POU2AF3: variants seen among roughly 807,000 people sequenced by gnomAD.
POU2AF3 encodes the protein POU class 2 homeobox associating factor 3.
the POU2AF3 span, chr11:111,306,584 C>G: frequency 1.3e-6 from 2 of 1,551,792 alleles, no homozygotes; most frequent in Non-Finnish European, 1.7e-6. Flanking sequence ...ATTTCCCAGA[C>G]AGCTTCCAGG....
chr11:111,298,713 C>A, the POU2AF3 span: 2 of 1,106,034 alleles, frequency 1.8e-6, no homozygotes. Context: ...GAGTAAGGGC[C>A]GGGGATCCGG....
chr11:111,299,565 G>A, the POU2AF3 span: 3 of 1,210,564 alleles, frequency 2.5e-6, no homozygotes, highest in Non-Finnish European at 3.1e-6. Flanking sequence ...AGTCCGACCG[G>A]GCCCCGCCAG....
chr11:111,299,674 C>G, the POU2AF3 span: 4 of 1,231,052 alleles, frequency 3.2e-6, no homozygotes, highest in Non-Finnish European at 4.0e-6. Flanking sequence ...GCGGACTCGC[C>G]CCGGAGCCTC....
At chr11:111,300,772 T>G in the POU2AF3 span, among the ~76,000 whole-genome samples, 1 of 152,240 alleles carries the variant, frequency 6.6e-6, no homozygotes, top group East Asian at 1.9e-4. Context: ...TGTACCCAGC[T>G]GCATCCCAAT....
At chr11:111,303,807 A>G in the POU2AF3 span, among the ~76,000 whole-genome samples, 6 of 152,218 alleles carry the variant, frequency 3.9e-5, no homozygotes, top group Admixed American at 3.9e-4. Flanking sequence ...CTGTAACCCA[A>G]AAGAGGTGTG....
At chr11:111,305,243 A>T in the POU2AF3 span, among the ~76,000 whole-genome samples, 1 of 152,200 alleles carries the variant, frequency 6.6e-6, no homozygotes, top group African/African-American at 2.4e-5. Context: ...CCAGTTCCTC[A>T]TCGCCAAGTA....
chr11:111,298,793 G>A, the POU2AF3 span: 1 of 1,194,140 alleles, frequency 8.4e-7, no homozygotes, highest in Non-Finnish European at 1.0e-6. Context: ...CCCAGAGGCC[G>A]AGTTGGCCGC....
the POU2AF3 span, chr11:111,299,332 G>T: frequency 1.0e-6 from 1 of 988,624 alleles, no homozygotes; most frequent in Non-Finnish European, 1.2e-6. Context: ...ATTCCTGGAC[G>T]CACACTGCAG....
chr11:111,305,405 T>G, the POU2AF3 span, among the ~76,000 whole-genome samples: 1 of 152,350 alleles, frequency 6.6e-6, no homozygotes, highest in Admixed American at 6.5e-5. Flanking sequence ...CCTCCCCTTC[T>G]CTGTTCCCAG....
At chr11:111,304,465 G>A in the POU2AF3 span, among the ~76,000 whole-genome samples, 2 of 151,962 alleles carry the variant, frequency 1.3e-5, no homozygotes, top group Non-Finnish European at 2.9e-5. Flanking sequence ...TTAAGTAGAA[G>A]AATCTGATAT....
At chr11:111,298,826 G>GGGGGGGGGGGGGGC in the POU2AF3 span, 7 of 790,958 alleles carry the variant, frequency 8.9e-6, no homozygotes, top group South Asian at 6.7e-5. Context: ...CGTACCCCAG[G>GGGGGGGGGGGGGGC]CCCCCGCCCG....
the POU2AF3 span, chr11:111,300,725 C>A: frequency 2.0e-6 from 1 of 492,418 alleles, no homozygotes; most frequent in Non-Finnish European, 3.1e-6. Flanking sequence ...ACTCACCATT[C>A]CCAGACCTGG....
At chr11:111,299,016 G>C in the POU2AF3 span, 2 of 993,902 alleles carry the variant, frequency 2.0e-6, no homozygotes, top group Non-Finnish European at 2.4e-6. Context: ...CCCGCTGCCC[G>C]CGGAGTCCGG....
chr11:111,299,742 G>C, the POU2AF3 span: 12 of 1,229,370 alleles, frequency 9.8e-6, no homozygotes, highest in Middle Eastern at 3.1e-4. Context: ...GAGAGGGGAA[G>C]AAGGGGAGAG....
the POU2AF3 span, chr11:111,306,544 T>C: frequency 3.2e-6 from 5 of 1,551,668 alleles, no homozygotes; most frequent in Non-Finnish European, 4.4e-6. Context: ...CCGGAGCCTT[T>C]GCTCAATTCC....
chr11:111,305,765 T>G, the POU2AF3 span, among the ~76,000 whole-genome samples: 1 of 152,256 alleles, frequency 6.6e-6, no homozygotes, highest in Non-Finnish European at 1.5e-5. Context: ...CTTACTTTGA[T>G]CACATCATGA....
chr11:111,306,319 A>G, the POU2AF3 span: 1 of 756,306 alleles, frequency 1.3e-6, no homozygotes, highest in Non-Finnish European at 2.0e-6. Context: ...GTAAATATTC[A>G]GAGTATAGAT....
chr11:111,305,806 G>C, the POU2AF3 span, among the ~76,000 whole-genome samples: 156 of 152,248 alleles, frequency 1.0e-3, no homozygotes, highest in Non-Finnish European at 1.7e-3. Context: ...AAACATTTTT[G>C]CTTTTTGTAC....
At chr11:111,305,626 C>T in the POU2AF3 span, among the ~76,000 whole-genome samples, 39,387 of 152,048 alleles carry the variant, frequency 0.26, 5,730 homozygotes, top group South Asian at 0.47. Context: ...TCCTTTAGTC[C>T]CTTTGATGAG....
Sources: gnomAD v4.1 joint callset for allele counts (sites outside exome capture counted in the v4.1 genomes callset) on GRCh38, gnomAD v4.1.1 for gene constraint, MANE v1.5 for transcripts, NCBI Gene and HGNC (gene_info 2026-07-23, HGNC 2026-07-21) for gene names.